Variants in SSBP2 observed in about 807,000 individuals in gnomAD.
SSBP2 encodes the protein single-stranded DNA-binding protein 2.
In SSBP2, 17 loss-of-function variants were observed where a neutral mutation model predicts 61.8. That is an observed-to-expected ratio of 0.28 (90% confidence interval 0.19 to 0.41). The LOEUF is 0.41. Ranked by LOEUF, SSBP2 falls within the 10% of genes least tolerant of loss-of-function variation. SSBP2 has a pLI of 1.00. For synonymous variants in SSBP2, 139 were observed against 141.3 expected (o/e 0.98, Z 0.12); for missense variants, 310 against 458.7 (o/e 0.68, Z 2.96).
intron 4 of SSBP2, among the ~76,000 whole-genome samples, chr5:81,587,116 T>C (rs12517941): frequency 0.18 from 26,875 of 152,136 alleles, 2,463 homozygotes; most frequent in Non-Finnish European, 0.21. Context: ...AAAGTTTCAC[T>C]ATAATAAATC....
Position 81,542,064 on chromosome 5 carries a change from A to T in SSBP2, c.283-28347T>A, listed in dbSNP as rs149957299. On this transcript the variant is annotated intron_variant, in intron 4 of 16. Transcript: ENST00000320672. ...CCAGAATCCGTAAGGACCTTAAATG[A>T]ACAAGCAAAAAACATATAGCCTCAT... Among the ~76,000 whole-genome samples the T allele has an allele frequency of 3.3e-5, 5 of 152,284 alleles. No homozygotes were observed. In the South Asian group the frequency reaches 8.3e-4, roughly 25 times the overall value.
intron 1 of SSBP2, among the ~76,000 whole-genome samples, chr5:81,695,142 G>C (rs1046796851): frequency 1.3e-5 from 2 of 152,120 alleles, no homozygotes; most frequent in African/African-American, 4.8e-5. Context: ...TTTCATTCTT[G>C]AGTATATACA....
At chr5:81,749,682 G>GT (rs1273236827) in intron 1 of SSBP2, among the ~76,000 whole-genome samples, 2 of 151,884 alleles carry the variant, frequency 1.3e-5, no homozygotes, top group Admixed American at 1.3e-4. Context: ...AAAAAGGGGG[G>GT]GGTTCTTCCT....
chr5:81,525,348 A>C (rs1769836814), intron 4 of SSBP2, among the ~76,000 whole-genome samples: 1 of 151,844 alleles, frequency 6.6e-6, no homozygotes, highest in South Asian at 2.1e-4. Flanking sequence ...TCCATCCTCA[A>C]GGAGGCCCCA....
At chr5:81,695,296 G>A (rs1359965107) in intron 1 of SSBP2, among the ~76,000 whole-genome samples, 1 of 152,118 alleles carries the variant, frequency 6.6e-6, no homozygotes, top group African/African-American at 2.4e-5. Flanking sequence ...CATAGCAAAT[G>A]CAAGACAAAT....
At chr5:81,690,738 C>T (rs1312832684) in intron 1 of SSBP2, among the ~76,000 whole-genome samples, 2 of 152,108 alleles carry the variant, frequency 1.3e-5, no homozygotes, top group Non-Finnish European at 1.5e-5. Flanking sequence ...TAGATATTTA[C>T]AGAACACTTC....
intron 4 of SSBP2, among the ~76,000 whole-genome samples, chr5:81,577,211 G>A (rs1016559629): frequency 5.3e-5 from 8 of 151,980 alleles, no homozygotes; most frequent in African/African-American, 1.9e-4. Flanking sequence ...TTTAACGGTA[G>A]TATTTTTATT....
At position 81,442,726 on chromosome 5, in the gene SSBP2, GA is replaced by G; in HGVS notation, c.779-4del. On this transcript the variant is annotated splice_region_variant and splice_polypyrimidine_tract_variant and intron_variant, in intron 12 of 16. Coordinates refer to ENST00000320672, the MANE Select transcript of SSBP2 (RefSeq NM_012446.5). ...GTTATCACCAGAGTTGGTTGAATCT[GA>G]AACAAAATATTACTTAATTAAAATA... is the stretch of plus-strand genomic sequence containing the variant. 6.7e-7 allele frequency: 1 copy of G among 1,493,470 alleles called. No individual in the cohort carries two copies. The highest frequency in any genetic ancestry group is 1.4e-5 in the African/African-American group (1 of 71,412). The allele number at this position is 1,493,470 out of a possible 1,614,324, so 92.5% of individuals were successfully genotyped here.
At chr5:81,478,985 CAG>C (rs1442490292) in intron 6 of SSBP2, among the ~76,000 whole-genome samples, 1 of 152,200 alleles carries the variant, frequency 6.6e-6, no homozygotes, top group East Asian at 1.9e-4. Flanking sequence ...CATAATCTTA[CAG>C]AAGTCTTAAC....
chr5:81,633,273 T>C (rs937009919), intron 3 of SSBP2, among the ~76,000 whole-genome samples: 1 of 151,584 alleles, frequency 6.6e-6, no homozygotes, highest in Non-Finnish European at 1.5e-5. Context: ...CTGCCACCAG[T>C]GCCTGGCTTA....
At chr5:81,467,816 T>A (rs1764995061) in intron 8 of SSBP2, among the ~76,000 whole-genome samples, 1 of 152,016 alleles carries the variant, frequency 6.6e-6, no homozygotes, top group Admixed American at 6.6e-5. Context: ...TGGGTACTCT[T>A]TTTCAATTTC....
At chr5:81,576,879 C>T (rs1290738740) in intron 4 of SSBP2, among the ~76,000 whole-genome samples, 1 of 151,872 alleles carries the variant, frequency 6.6e-6, no homozygotes, top group African/African-American at 2.4e-5. Flanking sequence ...TAATTGCATT[C>T]AAAAAACTAT....
At chr5:81,430,403 C>T (rs1456912142) in intron 15 of SSBP2, among the ~76,000 whole-genome samples, 1 of 152,030 alleles carries the variant, frequency 6.6e-6, no homozygotes, top group Non-Finnish European at 1.5e-5. Flanking sequence ...GTAAAATGAA[C>T]CCTCTTATTC....
intron 1 of SSBP2, among the ~76,000 whole-genome samples, chr5:81,665,741 G>T (rs1293280844): frequency 6.6e-6 from 1 of 152,166 alleles, no homozygotes. Flanking sequence ...CTGACCTCAG[G>T]TGATCTACCC....
At position 81,751,079 on chromosome 5, in the gene SSBP2, G is replaced by C. The variant is rs1289351563; in HGVS notation, c.-37C>G. The C allele has an allele frequency of 1.3e-6, 2 of 1,565,730 alleles. No individual in the cohort carries two copies. Among genetic ancestry groups the C allele is most frequent in the Non-Finnish European group, 1.7e-6 (2 of 1,155,016 alleles). On this transcript the variant is annotated 5_prime_UTR_variant, in exon 1 of 17. Transcript: ENST00000320672. ...GAGCAGCTCCCACTGTCACGCACCT[G>C]TCAACCCATCACAGCCTCCCCGGGA...
intron 15 of SSBP2, among the ~76,000 whole-genome samples, chr5:81,433,568 C>T (rs1420944309): frequency 6.4e-5 from 9 of 140,764 alleles, no homozygotes; most frequent in South Asian, 2.2e-4. Context: ...TCCCCCTCCG[C>T]GAGAAACACC....
intron 4 of SSBP2, among the ~76,000 whole-genome samples, chr5:81,581,887 A>T (rs1774678372): frequency 1.3e-5 from 2 of 152,190 alleles, no homozygotes; most frequent in South Asian, 4.1e-4. Context: ...TTCTAACCAT[A>T]ATTCTAACTA....
chr5:81,485,398 C>T (rs1165403877), intron 6 of SSBP2, among the ~76,000 whole-genome samples: 1 of 152,076 alleles, frequency 6.6e-6, no homozygotes, highest in African/African-American at 2.4e-5. Flanking sequence ...AAAGAATATA[C>T]ACCCTTATGG....
intron 4 of SSBP2, among the ~76,000 whole-genome samples, chr5:81,614,084 G>C (rs1181530384): frequency 6.6e-6 from 1 of 152,092 alleles, no homozygotes; most frequent in African/African-American, 2.4e-5. Flanking sequence ...GCACAGGCCG[G>C]GCGCGGTGGC....
Sources: gnomAD v4.1 joint callset for allele counts (sites outside exome capture counted in the v4.1 genomes callset) on GRCh38, gnomAD v4.1.1 for gene constraint, MANE v1.5 for transcripts, NCBI Gene and HGNC (gene_info 2026-07-23, HGNC 2026-07-21) for gene names.